The following MAP2K6 variants were observed in gnomAD, a reference collection of about 807,000 sequenced individuals.
MAP2K6 encodes the protein dual specificity mitogen-activated protein kinase kinase 6.
In MAP2K6, 16 loss-of-function variants were observed where a neutral mutation model predicts 53.7. That is an observed-to-expected ratio of 0.30 (90% CI 0.20 to 0.45). The LOEUF is 0.45. Ranked by LOEUF, MAP2K6 falls within the 20% of genes least tolerant of loss-of-function variation. The pLI, the probability that MAP2K6 is intolerant of heterozygous loss-of-function variation, is 1.00. For synonymous variants in MAP2K6, 132 were observed against 143.1 expected (o/e 0.92, Z 0.55); for missense variants, 204 against 411.9 (o/e 0.50, Z 4.37).
In MAP2K6 at chr17:69,517,574, G is replaced by C. The variant is rs748491002; in HGVS notation, c.207G>C (p.Lys69Asn). The change falls in exon 4 of 12, where the codon AAG becomes AAC. Residue 69 changes from lysine (K) to asparagine (N), a missense_variant. Physicochemically the swap from Lys to Asn is moderately conservative, Grantham distance 94. Coordinates refer to ENST00000590474, the MANE Select transcript of MAP2K6 (RefSeq NM_002758.4). ...GAGGTGCGTACGGGGTGGTGGAGAA[G>C]ATGCGGCACGTGCCCAGCGGGCAGA... is the stretch of plus-strand genomic sequence containing the variant. ...LGRGAYGVVE[K>N]MRHVPSGQIM... 7 of 1,608,994 alleles carry C rather than the reference G, an allele frequency of 4.4e-6. No individual in the cohort carries two copies. The East Asian group carries it at 1.3e-4, about 31-fold the overall frequency.
At chr17:69,478,830 G>A (rs1315982425) in intron 1 of MAP2K6, among the ~76,000 whole-genome samples, 1 of 152,148 alleles carries the variant, frequency 6.6e-6, no homozygotes, top group African/African-American at 2.4e-5. Flanking sequence ...AAAGTGCTAT[G>A]TATTTATCTC....
In MAP2K6 at chr17:69,510,609, T is replaced by A. The variant is rs575972080; in HGVS notation, c.83+4763T>A. 2.0e-5 allele frequency among the ~76,000 whole-genome samples: 3 copies of A among 152,322 alleles called. No individual in the cohort carries two copies. In the South Asian group the frequency reaches 6.2e-4, roughly 32 times the overall value. ...TGGATTTTTTTTTTCTGGGACTTTTTAATCACAATCTCAATTTCTTTAGTA... is the reference window on the plus strand; with the variant it reads ...TGGATTTTTTTTTTCTGGGACTTTTAAATCACAATCTCAATTTCTTTAGTA... On this transcript the variant is annotated intron_variant, in intron 2 of 11. Transcript: ENST00000590474.
At chr17:69,422,196 A>G (rs1305032685) in intron 1 of MAP2K6, among the ~76,000 whole-genome samples, 2 of 143,240 alleles carry the variant, frequency 1.4e-5, no homozygotes, top group Non-Finnish European at 3.0e-5. Flanking sequence ...CAGTGGTGCA[A>G]CCTCAGCTCA....
intron 1 of MAP2K6, among the ~76,000 whole-genome samples, chr17:69,456,532 C>T (rs1907416039): frequency 6.6e-6 from 1 of 152,064 alleles, no homozygotes; most frequent in Non-Finnish European, 1.5e-5. Flanking sequence ...CCAACTGTGA[C>T]GTTCATAAGG....
chr17:69,455,851 GTTTTTTTTTTT>G lies in MAP2K6; in HGVS notation c.16+40867_16+40877del, dbSNP rs11317793. ...GACTGAGTGGGTTCCTGGACTTTCA[GTTTTTTTTTTT>G]TTTTTTTTTTTTTTTAAGACAGAGT... On this transcript the variant is annotated intron_variant, in intron 1 of 11. Transcript: ENST00000590474. 7.3e-5 allele frequency among the ~76,000 whole-genome samples: 7 copies of G among 95,376 alleles called. No homozygotes were observed. In the South Asian group the frequency reaches 1.1e-3, roughly 15 times the overall value. The allele number at this position is 95,376 out of a possible 152,430, so 62.6% of individuals were successfully genotyped here.
chr17:69,432,654 G>A (rs1280315916), intron 1 of MAP2K6, among the ~76,000 whole-genome samples: 1 of 151,804 alleles, frequency 6.6e-6, no homozygotes, highest in Non-Finnish European at 1.5e-5. Flanking sequence ...GGCCTATCGG[G>A]AGGGGTGGGG....
intron 1 of MAP2K6, among the ~76,000 whole-genome samples, chr17:69,500,755 CA>C (rs36102273): frequency 2.3e-5 from 3 of 132,424 alleles, no homozygotes; most frequent in Non-Finnish European, 1.6e-5. Context: ...GATTCCATCT[CA>C]AAAAAAAAAG....
chr17:69,508,752 A>T (rs1261479031), intron 2 of MAP2K6, among the ~76,000 whole-genome samples: 1 of 152,204 alleles, frequency 6.6e-6, no homozygotes, highest in Admixed American at 6.5e-5. Context: ...TGCATTTTGC[A>T]TTTAAGCCCA....
chr17:69,443,200 C>T (rs1350083233), intron 1 of MAP2K6, among the ~76,000 whole-genome samples: 1 of 152,152 alleles, frequency 6.6e-6, no homozygotes, highest in Non-Finnish European at 1.5e-5. Context: ...CCCTCCTTCC[C>T]CTTCAAATCC....
chr17:69,501,516 T>G (rs1390150434), intron 1 of MAP2K6, among the ~76,000 whole-genome samples: 1 of 152,216 alleles, frequency 6.6e-6, no homozygotes, highest in Non-Finnish European at 1.5e-5. Context: ...AAATTTTTTT[T>G]TCCAGTGCCA....
At chr17:69,443,998 G>A (rs150862759) in intron 1 of MAP2K6, among the ~76,000 whole-genome samples, 1 of 152,298 alleles carries the variant, frequency 6.6e-6, no homozygotes, top group African/African-American at 2.4e-5. Context: ...TGAAGGACAA[G>A]AGATGATGAA....
intron 1 of MAP2K6, among the ~76,000 whole-genome samples, chr17:69,422,858 A>G (rs1459016175): frequency 6.6e-6 from 1 of 152,060 alleles, no homozygotes; most frequent in African/African-American, 2.4e-5. Flanking sequence ...GGCCAAATCT[A>G]GCTTCAGCTG....
chr17:69,539,612 T>A (rs192673843), intron 11 of MAP2K6, among the ~76,000 whole-genome samples: 5 of 152,042 alleles, frequency 3.3e-5, no homozygotes, highest in African/African-American at 1.2e-4. Flanking sequence ...GCGATTTTCT[T>A]TTTTTTTGAT....
chr17:69,512,645 C>G (rs922342704), intron 2 of MAP2K6, among the ~76,000 whole-genome samples: 2 of 152,018 alleles, frequency 1.3e-5, no homozygotes, highest in Non-Finnish European at 2.9e-5. Context: ...CCTGAGTGTT[C>G]TTAAATTATT....
intron 1 of MAP2K6, among the ~76,000 whole-genome samples, chr17:69,462,302 G>A (rs900078517): frequency 1.3e-5 from 2 of 152,082 alleles, no homozygotes; most frequent in Admixed American, 6.6e-5. Context: ...ACATTATTAC[G>A]AGAGTAAAGA....
intron 10 of MAP2K6, among the ~76,000 whole-genome samples, chr17:69,527,359 T>A (rs910297386): frequency 5.3e-5 from 8 of 152,112 alleles, no homozygotes; most frequent in African/African-American, 1.7e-4. Flanking sequence ...TAAGAGACAA[T>A]GCTGAAGTTC....
At chr17:69,463,559 C>T (rs921835132) in intron 1 of MAP2K6, among the ~76,000 whole-genome samples, 5 of 149,242 alleles carry the variant, frequency 3.4e-5, no homozygotes, top group Non-Finnish European at 5.9e-5. Flanking sequence ...CCACCTCCCA[C>T]GTTCAAGCGA....
intron 1 of MAP2K6, chr17:69,502,287 T>C (rs1909209303): frequency 1.0e-6 from 1 of 985,362 alleles, no homozygotes; most frequent in African/African-American, 1.7e-5. Flanking sequence ...TGCCGAAGTG[T>C]GGTCTTTGGA....
At chr17:69,478,060 G>C (rs1355128552) in intron 1 of MAP2K6, among the ~76,000 whole-genome samples, 1 of 152,178 alleles carries the variant, frequency 6.6e-6, no homozygotes, top group Non-Finnish European at 1.5e-5. Flanking sequence ...ACCAAGATTG[G>C]GTGTGTTCCA....
Sources: gnomAD v4.1 joint callset for allele counts (sites outside exome capture counted in the v4.1 genomes callset) on GRCh38, gnomAD v4.1.1 for gene constraint, MANE v1.5 for transcripts, NCBI Gene and HGNC (gene_info 2026-07-23, HGNC 2026-07-21) for gene names.